Variants in ST6GAL2 observed in about 807,000 individuals in gnomAD.
ST6GAL2 encodes the protein beta-galactoside alpha-2,6-sialyltransferase 2.
ST6GAL2 carries 24 observed loss-of-function variants against 37.5 expected under a neutral mutation model. That is an observed-to-expected ratio of 0.64 (90% CI 0.46 to 0.90). ST6GAL2 has a LOEUF of 0.90. Among genes scored for constraint, ST6GAL2 ranks in the 40% least tolerant of loss-of-function variants. The pLI is 0.00. For missense variants in ST6GAL2, 715 were observed against 712.7 expected, an observed-to-expected ratio of 1.00 and a Z score of -0.04; for synonymous variants, 306 against 295.1, an observed-to-expected ratio of 1.04 and a Z score of -0.38.
chr2:106,865,648 G>A (rs1347843687), intron 1 of ST6GAL2, among the ~76,000 whole-genome samples: 2 of 152,148 alleles, frequency 1.3e-5, no homozygotes, highest in South Asian at 2.1e-4. Flanking sequence ...GTCCATCCTC[G>A]TTGTAAGACA....
chr2:106,877,923 C>T lies in ST6GAL2; in HGVS notation c.-58+8170G>A, dbSNP rs978281825. 2.6e-5 allele frequency among the ~76,000 whole-genome samples: 4 copies of T among 152,336 alleles called. No individual in the cohort carries two copies. In the South Asian group the frequency reaches 6.2e-4, roughly 24 times the overall value. On this transcript the variant is annotated intron_variant, in intron 1 of 5. Transcript: ENST00000409382. The stretch of plus-strand genomic sequence containing the variant: ...AGCCTTGTGACCAAGGTCCTACTGT[C>T]TGGGTTGAGCAGGGACCTGAAGGGC...
intron 1 of ST6GAL2, among the ~76,000 whole-genome samples, chr2:106,881,494 G>A (rs891317850): frequency 6.6e-6 from 1 of 152,020 alleles, no homozygotes; most frequent in Non-Finnish European, 1.5e-5. Context: ...CACAATTATG[G>A]GTTTTTGGCA....
intron 5 of ST6GAL2, among the ~76,000 whole-genome samples, chr2:106,819,718 A>G (rs1012774152): frequency 6.6e-6 from 1 of 152,080 alleles, no homozygotes; most frequent in Admixed American, 6.5e-5. Flanking sequence ...TAATAATTAT[A>G]GCCTGTAAAC....
Position 106,803,985 on chromosome 2 carries a change from C to T in ST6GAL2, c.*2693G>A, listed in dbSNP as rs1461718017. The T allele has an allele frequency of 6.6e-6, 1 of 152,116 alleles. No homozygotes were observed. The highest frequency in any genetic ancestry group is 1.5e-5 in the Non-Finnish European group (1 of 68,012). 9.4% of individuals were successfully genotyped at this position (152,116 alleles called of 1,614,324 possible). The stretch of plus-strand genomic sequence containing the variant: ...AGTCATCAAGTTAACTGTAACTGCC[C>T]AACATTTTCTTAGAAGCCAAAGAAC... On this transcript the variant is annotated 3_prime_UTR_variant, in exon 6 of 6. Transcript: ENST00000409382.
intron 5 of ST6GAL2, among the ~76,000 whole-genome samples, chr2:106,812,375 C>T (rs956691137): frequency 6.6e-6 from 1 of 152,122 alleles, no homozygotes; most frequent in African/African-American, 2.4e-5. Flanking sequence ...GAAATTTTGC[C>T]AACCAGGGAA....
intron 1 of ST6GAL2, among the ~76,000 whole-genome samples, chr2:106,885,693 G>C (rs1189961570): frequency 1.3e-5 from 2 of 152,122 alleles, no homozygotes; most frequent in Admixed American, 1.3e-4. Context: ...TAACACTCGG[G>C]TATTTAGGAT....
intron 5 of ST6GAL2, among the ~76,000 whole-genome samples, chr2:106,819,806 A>C (rs1488210247): frequency 6.6e-6 from 1 of 152,048 alleles, no homozygotes; most frequent in Non-Finnish European, 1.5e-5. Context: ...ACAGACATTA[A>C]AAAAAGATAT....
At chr2:106,860,848 C>A (rs553979918) in intron 1 of ST6GAL2, among the ~76,000 whole-genome samples, 1 of 152,222 alleles carries the variant, frequency 6.6e-6, no homozygotes, top group Non-Finnish European at 1.5e-5. Context: ...GATATGGAAA[C>A]TTAGAAGTAT....
intron 1 of ST6GAL2, among the ~76,000 whole-genome samples, chr2:106,850,765 G>A (rs542209973): frequency 1.3e-5 from 2 of 152,114 alleles, no homozygotes; most frequent in South Asian, 2.1e-4. Flanking sequence ...AGGAAGGCTC[G>A]GCTAAGCAAG....
rs918083228 is a variant in ST6GAL2 at position 106,804,898 on chromosome 2, T to C, written c.*1780A>G. The stretch of plus-strand genomic sequence containing the variant: ...ATTAGAAAGGAACATGGCTTAACCA[T>C]GTCTATTTAGACATAAGTTAATATA... On this transcript the variant is annotated 3_prime_UTR_variant, in exon 6 of 6. Transcript: ENST00000409382. 6.6e-6 allele frequency: 1 copy of C among 150,820 alleles called. No homozygotes were observed. The highest frequency in any genetic ancestry group is 1.9e-4 in the East Asian group (1 of 5,134). 9.3% of individuals were successfully genotyped at this position (150,820 alleles called of 1,614,324 possible).
chr2:106,869,936 T>G (rs890984796), intron 1 of ST6GAL2, among the ~76,000 whole-genome samples: 1 of 152,180 alleles, frequency 6.6e-6, no homozygotes, highest in African/African-American at 2.4e-5. Context: ...CAATCCTAAA[T>G]TGTGGAGACT....
At chr2:106,818,709 A>G (rs867486260) in intron 5 of ST6GAL2, among the ~76,000 whole-genome samples, 2 of 152,162 alleles carry the variant, frequency 1.3e-5, no homozygotes, top group South Asian at 2.1e-4. Flanking sequence ...CCTCAAAACC[A>G]TCCAGGAAAA....
At chr2:106,834,500 A>G (rs1676553285) in intron 2 of ST6GAL2, 1 of 184,548 alleles carries the variant, frequency 5.4e-6, no homozygotes, top group African/African-American at 2.4e-5. Flanking sequence ...ACTGTACTGG[A>G]GCAGATAAAG....
chr2:106,808,608 T>C (rs1675502509), intron 5 of ST6GAL2, among the ~76,000 whole-genome samples: 2 of 152,022 alleles, frequency 1.3e-5, no homozygotes, highest in South Asian at 2.1e-4. Context: ...GTGGCACCAA[T>C]TGAGGAAAAG....
intron 5 of ST6GAL2, among the ~76,000 whole-genome samples, chr2:106,821,822 G>T (rs1056814030): frequency 1.3e-5 from 2 of 152,070 alleles, no homozygotes; most frequent in Non-Finnish European, 2.9e-5. Context: ...TCACAACCAA[G>T]TGGGATTTAT....
rs1675361457 is a variant in ST6GAL2 at position 106,804,743 on chromosome 2, G to A, written c.*1935C>T. 1 of 151,214 alleles carries A rather than the reference G, an allele frequency of 6.6e-6. No homozygotes were observed. The highest frequency in any genetic ancestry group is 2.4e-5 in the African/African-American group (1 of 40,990). The allele number at this position is 151,214 out of a possible 1,614,324, so 9.4% of individuals were successfully genotyped here. A position where few individuals can be genotyped will look rare whatever the true frequency, so the allele number is the denominator to read the frequency against. ...GTAGTCCCCAGCTACTCAGGAGGCT[G>A]AGGCAGGAGAATGGTGTGAACGTGG... On this transcript the variant is annotated 3_prime_UTR_variant, in exon 6 of 6. Transcript: ENST00000409382.
At chr2:106,866,879 T>C (rs1678047893) in intron 1 of ST6GAL2, among the ~76,000 whole-genome samples, 1 of 152,214 alleles carries the variant, frequency 6.6e-6, no homozygotes, top group African/African-American at 2.4e-5. Context: ...GTAACAGCTA[T>C]GAAATACAAA....
At chr2:106,861,641 T>G (rs1381544022) in intron 1 of ST6GAL2, among the ~76,000 whole-genome samples, 1 of 151,926 alleles carries the variant, frequency 6.6e-6, no homozygotes, top group Non-Finnish European at 1.5e-5. Flanking sequence ...TTTTTCTTTT[T>G]TTTTTTGAGA....
intron 1 of ST6GAL2, among the ~76,000 whole-genome samples, chr2:106,868,734 C>T (rs1242638312): frequency 6.6e-6 from 1 of 152,150 alleles, no homozygotes; most frequent in Non-Finnish European, 1.5e-5. Flanking sequence ...AATCTACCAT[C>T]TGTGTAGAGT....
Sources: allele counts gnomAD v4.1 joint callset (sites outside exome capture counted in the v4.1 genomes callset), GRCh38; gene constraint gnomAD v4.1.1; transcripts MANE v1.5; gene names NCBI Gene and HGNC (gene_info 2026-07-23, HGNC 2026-07-21).